ADGRL2: variants seen among roughly 807,000 people sequenced by gnomAD.
ADGRL2 encodes adhesion G protein-coupled receptor L2, also known as calcium-independent alpha-latrotoxin receptor 2.
ADGRL2 carries 44 observed loss-of-function variants against 157.4 expected under a neutral mutation model. The observed-to-expected ratio is 0.28, with a 90% CI of 0.22 to 0.36. The LOEUF (loss-of-function observed/expected upper bound fraction) is 0.36. Among genes scored for constraint, ADGRL2 ranks in the 10% least tolerant of loss-of-function variants. ADGRL2 has a pLI of 1.00. For missense variants in ADGRL2, 1,510 were observed against 1,768.9 expected (o/e 0.85, Z 2.63); for synonymous variants, 585 against 624.7 (o/e 0.94, Z 0.95).
At chr1:81,882,707 G>A (rs1012171195) in intron 2 of ADGRL2, among the ~76,000 whole-genome samples, 2 of 152,132 alleles carry the variant, frequency 1.3e-5, no homozygotes, top group Admixed American at 1.3e-4. Context: ...AATGCATCTA[G>A]AATTCAACAG....
intron 2 of ADGRL2, among the ~76,000 whole-genome samples, chr1:81,889,452 C>T (rs1361213939): frequency 6.6e-6 from 1 of 152,078 alleles, no homozygotes; most frequent in Non-Finnish European, 1.5e-5. Flanking sequence ...AGAGCAAGGC[C>T]CCAACTGTCT....
intron 2 of ADGRL2, among the ~76,000 whole-genome samples, chr1:81,870,926 GAT>G (rs1491303840): frequency 7.0e-6 from 1 of 142,906 alleles, no homozygotes; most frequent in African/African-American, 2.6e-5. Flanking sequence ...TTTTTTTGAA[GAT>G]TTTTTTTTTC....
chr1:81,590,891 A>T (rs928862364), intron 3 of ADGRL2, among the ~76,000 whole-genome samples: 6 of 152,116 alleles, frequency 3.9e-5, no homozygotes, highest in African/African-American at 1.4e-4. Context: ...ACAACAGAAC[A>T]ACCCCATATG....
chr1:81,402,944 G>A (rs1377452743), intron 1 of ADGRL2, among the ~76,000 whole-genome samples: 1 of 152,166 alleles, frequency 6.6e-6, no homozygotes, highest in Non-Finnish European at 1.5e-5. Context: ...AAAAGAATAA[G>A]CAAACTACAT....
rs189485848 is a variant in ADGRL2 at position 81,665,285 on chromosome 1, C to G, written c.-143+84305C>G. 4.0e-4 allele frequency among the ~76,000 whole-genome samples: 61 copies of G among 152,278 alleles called. 2 individuals are homozygous for G. In the East Asian group the frequency reaches 5.6e-3, roughly 14 times the overall value. ...AAACAGCGTAAGTACCTGGAAATCA[C>G]AGAGGAAGTGTCCTGATATCAGTTG... On this transcript the variant is annotated intron_variant, in intron 3 of 24. Coordinates refer to the ADGRL2 transcript ENST00000370721.
At chr1:81,598,557 C>T (rs116515048) in intron 3 of ADGRL2, among the ~76,000 whole-genome samples, 1,701 of 152,230 alleles carry the variant, frequency 0.011, 46 homozygotes, top group African/African-American at 0.039. Context: ...GTATACATTG[C>T]CAAGGTTTTC....
At chr1:81,859,928 T>C (rs568435101) in intron 2 of ADGRL2, among the ~76,000 whole-genome samples, 37 of 151,682 alleles carry the variant, frequency 2.4e-4, no homozygotes, top group African/African-American at 8.5e-4. Context: ...GTTTTTTTTT[T>C]CCCCCATAAA....
chr1:81,753,169 C>A (rs2085545146), intron 1 of ADGRL2, among the ~76,000 whole-genome samples: 1 of 152,036 alleles, frequency 6.6e-6, no homozygotes, highest in Non-Finnish European at 1.5e-5. Context: ...TGAGACTGGG[C>A]AATTTACAAA....
At chr1:81,671,532 A>T (rs1233567328) in intron 3 of ADGRL2, among the ~76,000 whole-genome samples, 1 of 148,966 alleles carries the variant, frequency 6.7e-6, no homozygotes, top group Non-Finnish European at 1.5e-5. Flanking sequence ...TTTTTTTTTT[A>T]AACAGAGTTT....
At chr1:81,776,386 A>G (rs2086586279) in intron 2 of ADGRL2, among the ~76,000 whole-genome samples, 2 of 152,104 alleles carry the variant, frequency 1.3e-5, no homozygotes, top group African/African-American at 2.4e-5. Context: ...ATGGGGTTTC[A>G]CCATGTTGGC....
chr1:81,871,504 C>A (rs1428461871), intron 2 of ADGRL2, among the ~76,000 whole-genome samples: 1 of 152,112 alleles, frequency 6.6e-6, no homozygotes, highest in African/African-American at 2.4e-5. Flanking sequence ...CTTGAGGAAT[C>A]GCCACACTGT....
intron 1 of ADGRL2, among the ~76,000 whole-genome samples, chr1:81,312,032 CT>C: frequency 6.6e-6 from 1 of 152,172 alleles, no homozygotes; most frequent in African/African-American, 2.4e-5. Context: ...TCTTCAGACA[CT>C]ATAAATGAAA....
At chr1:81,817,726 C>G (rs1339206978) in intron 1 of ADGRL2, among the ~76,000 whole-genome samples, 1 of 151,880 alleles carries the variant, frequency 6.6e-6, no homozygotes, top group Non-Finnish European at 1.5e-5. Context: ...TTTTTGGCGG[C>G]CTTGTCCCCA....
intron 3 of ADGRL2, among the ~76,000 whole-genome samples, chr1:81,687,814 T>C (rs900998988): frequency 6.6e-6 from 1 of 152,214 alleles, no homozygotes; most frequent in Admixed American, 6.5e-5. Context: ...GTTTCCAGGA[T>C]TCCTTTCAAG....
chr1:81,754,248 T>C (rs1208825319), intron 1 of ADGRL2, among the ~76,000 whole-genome samples: 1 of 140,590 alleles, frequency 7.1e-6, no homozygotes, highest in Non-Finnish European at 1.6e-5. Context: ...TTTCTTTCAA[T>C]AACACAGTGT....
At chr1:81,722,439 CCGTTTTGTATGCCAAGAGGGCCAG>C in intron 1 of ADGRL2, 1 of 1,249,366 alleles carries the variant, frequency 8.0e-7, no homozygotes, top group Non-Finnish European at 1.2e-6. Flanking sequence ...TTGCGCTTGG[CCGTTTTGTATGCCAAGAGGGCCAG>C]CGTTTTCGTC....
intron 3 of ADGRL2, among the ~76,000 whole-genome samples, chr1:81,662,038 T>C (rs1257977189): frequency 6.6e-6 from 1 of 151,958 alleles, no homozygotes; most frequent in African/African-American, 2.4e-5. Flanking sequence ...ATAGTAGAAG[T>C]ATATATTTAT....
At chr1:81,904,188 A>G (rs572059068) in intron 2 of ADGRL2, among the ~76,000 whole-genome samples, 54 of 152,258 alleles carry the variant, frequency 3.5e-4, no homozygotes, top group African/African-American at 1.3e-3. Flanking sequence ...TAAGAGCCTT[A>G]CTACAGTCTA....
intron 1 of ADGRL2, among the ~76,000 whole-genome samples, chr1:81,756,228 T>C (rs1049734833): frequency 6.6e-6 from 1 of 152,166 alleles, no homozygotes; most frequent in Admixed American, 6.6e-5. Context: ...AAGTCTCATA[T>C]CTTCCATAAA....
Sources: gnomAD v4.1 joint callset for allele counts (sites outside exome capture counted in the v4.1 genomes callset) on GRCh38, gnomAD v4.1.1 for gene constraint, MANE v1.5 for transcripts, NCBI Gene and HGNC (gene_info 2026-07-23, HGNC 2026-07-21) for gene names.